DPY19L3: variants seen among roughly 807,000 people sequenced by gnomAD.
DPY19L3 encodes the protein protein C-mannosyl-transferase DPY19L3.
DPY19L3 carries 51 observed loss-of-function variants against 92.3 expected under a neutral mutation model. The ratio of observed to expected loss-of-function variants is 0.55; its 90% CI spans 0.44 to 0.70. The LOEUF (loss-of-function observed/expected upper bound fraction) is 0.70. Ranked by LOEUF, DPY19L3 falls within the 30% of genes least tolerant of loss-of-function variation. The probability of loss-of-function intolerance (pLI) is 0.00; values close to 1 mark genes in which losing one functional copy is unlikely to be tolerated. For synonymous variants in DPY19L3, 309 were observed against 315.2 expected (o/e 0.98, Z 0.21); for missense variants, 706 against 855.9 (o/e 0.82, Z 2.18).
At chr19:32,421,111 G>T (rs1470674320) in intron 3 of DPY19L3, among the ~76,000 whole-genome samples, 1 of 151,982 alleles carries the variant, frequency 6.6e-6, no homozygotes, top group Non-Finnish European at 1.5e-5. Flanking sequence ...TTATTCTCTT[G>T]ATTATTCCAC....
intron 16 of DPY19L3, among the ~76,000 whole-genome samples, chr19:32,472,288 G>A (rs1970380932): frequency 6.6e-6 from 1 of 152,120 alleles, no homozygotes; most frequent in Non-Finnish European, 1.5e-5. Flanking sequence ...CAAGGATGGT[G>A]TGACATTTGA....
At chr19:32,407,922 C>T (rs1231198342) in intron 1 of DPY19L3, among the ~76,000 whole-genome samples, 2 of 151,954 alleles carry the variant, frequency 1.3e-5, no homozygotes, top group South Asian at 2.1e-4. Flanking sequence ...AGGGAGACCC[C>T]ATCTTTACAA....
At position 32,483,350 on chromosome 19, in the gene DPY19L3, CAAAG is replaced by C. The variant is rs1205959074; in HGVS notation, c.*1113_*1116del. The C allele has an allele frequency of 6.6e-6, 1 of 152,468 alleles. No homozygotes were observed. Among genetic ancestry groups the C allele is most frequent in the Non-Finnish European group, 1.5e-5 (1 of 68,012 alleles). 9.4% of individuals were successfully genotyped at this position (152,468 alleles called of 1,614,324 possible). Reference sequence around the variant, plus strand: ...CTAAGTCATGCTTATTTGTAAACAACAAAGAAGAGTATATGTACCTGCTCAAAAT... The same window carrying C: ...CTAAGTCATGCTTATTTGTAAACAACAAGAGTATATGTACCTGCTCAAAAT... On this transcript the variant is annotated 3_prime_UTR_variant, in exon 19 of 19. Coordinates refer to ENST00000392250, the MANE Select transcript of DPY19L3 (RefSeq NM_001172774.2).
At chr19:32,469,930 T>C (rs1404677429) in intron 16 of DPY19L3, among the ~76,000 whole-genome samples, 2 of 152,236 alleles carry the variant, frequency 1.3e-5, no homozygotes, top group African/African-American at 4.8e-5. Flanking sequence ...GTGCATCACA[T>C]GTGGTGCCTT....
chr19:32,435,804 C>T (rs971564411), intron 4 of DPY19L3, among the ~76,000 whole-genome samples: 19 of 152,336 alleles, frequency 1.2e-4, no homozygotes, highest in African/African-American at 4.6e-4. Context: ...GTTACAGTGA[C>T]AGAGGACCTC....
Position 32,485,758 on chromosome 19 carries a change from G to A in DPY19L3, c.*3518G>A, listed in dbSNP as rs1401905757. ...GGAAAAAAGCTTTTGAGATGAGAGG[G>A]TGTCTTACTTTCTTGTGGCAATTGA... On this transcript the variant is annotated 3_prime_UTR_variant, in exon 19 of 19. Coordinates refer to ENST00000392250, the MANE Select transcript of DPY19L3 (RefSeq NM_001172774.2). The A allele has an allele frequency of 6.6e-6, 1 of 152,168 alleles. No individual in the cohort carries two copies. Among genetic ancestry groups the A allele is most frequent in the Non-Finnish European group, 1.5e-5 (1 of 68,026 alleles). 9.4% of individuals were successfully genotyped at this position (152,168 alleles called of 1,614,324 possible).
chr19:32,443,825 C>G (rs369028387), intron 8 of DPY19L3, among the ~76,000 whole-genome samples: 9 of 152,026 alleles, frequency 5.9e-5, no homozygotes, highest in African/African-American at 1.9e-4. Context: ...TTTGGGAGGC[C>G]AAGGCAGGCA....
rs555043863 is a variant in DPY19L3 at position 32,406,972 on chromosome 19, G to A, written c.-38+1063G>A. Among the ~76,000 whole-genome samples the A allele has an allele frequency of 1.2e-4, 18 of 149,348 alleles. No individual in the cohort carries two copies. In the South Asian group the frequency reaches 3.6e-3, roughly 30 times the overall value. On this transcript the variant is annotated intron_variant, in intron 1 of 18. Coordinates refer to ENST00000392250, the MANE Select transcript of DPY19L3 (RefSeq NM_001172774.2). ...TCCAGATTCTCCATTTCCAGTGCTTGAAAGCACAGTACTTAAATCTGGCTT... is the reference window on the plus strand; with the variant it reads ...TCCAGATTCTCCATTTCCAGTGCTTAAAAGCACAGTACTTAAATCTGGCTT...
chr19:32,454,474 T>C (rs1457542760), intron 9 of DPY19L3, among the ~76,000 whole-genome samples: 3 of 152,068 alleles, frequency 2.0e-5, no homozygotes, highest in Admixed American at 6.6e-5. Context: ...CTCGGGAGGC[T>C]GAGGCAGGAG....
At chr19:32,460,929 A>G (rs915244198) in intron 12 of DPY19L3, among the ~76,000 whole-genome samples, 1 of 151,948 alleles carries the variant, frequency 6.6e-6, no homozygotes, top group African/African-American at 2.4e-5. Context: ...GCAGTGGTGC[A>G]ATCTCGGCTC....
intron 8 of DPY19L3, among the ~76,000 whole-genome samples, chr19:32,445,291 A>G (rs1156764690): frequency 6.6e-6 from 1 of 151,690 alleles, no homozygotes; most frequent in African/African-American, 2.4e-5. Flanking sequence ...AATACAAAAA[A>G]TTAGCCAGGC....
chr19:32,463,400 GA>G lies in DPY19L3; in HGVS notation c.1362del (p.Gly455AlafsTer5). 6.2e-7 allele frequency: 1 copy of G among 1,613,732 alleles called. No homozygotes were observed. Among genetic ancestry groups the G allele is most frequent in the Admixed American group, 1.7e-5 (1 of 60,000 alleles). On this transcript the variant is annotated frameshift_variant, in exon 13 of 19. Coordinates refer to ENST00000392250, the MANE Select transcript of DPY19L3 (RefSeq NM_001172774.2). LOFTEE classifies it high-confidence loss of function. The part of the protein sequence containing the change: ...STNQQSVGKM[E>X]KGTVDLKPET... Reference sequence around the variant, plus strand: ...AAATCAACAATCCGTGGGTAAAATGGAAAAAGGCACAGTTGACCTGAAACCA... The same window carrying G: ...AAATCAACAATCCGTGGGTAAAATGGAAAAGGCACAGTTGACCTGAAACCA...
At chr19:32,426,124 T>C (rs1252198288) in intron 3 of DPY19L3, among the ~76,000 whole-genome samples, 2 of 152,238 alleles carry the variant, frequency 1.3e-5, no homozygotes, top group Admixed American at 1.3e-4. Context: ...CTTGCACTTG[T>C]ATGTTAGGGA....
chr19:32,463,340 A>C (rs1292583017), intron 12 of DPY19L3, 26 bp from the exon 13 acceptor site: 2 of 1,611,804 alleles, frequency 1.2e-6, no homozygotes, highest in Non-Finnish European at 8.5e-7. Flanking sequence ...TCCAGCTTAA[A>C]TTTTGTATGT....
In DPY19L3 at chr19:32,484,189, A is replaced by T. The variant is rs938357662; in HGVS notation, c.*1949A>T. 7 of 152,504 alleles carry T rather than the reference A, an allele frequency of 4.6e-5. No homozygotes were observed. The highest frequency in any genetic ancestry group is 1.7e-4 in the African/African-American group (7 of 41,396). The allele number at this position is 152,504 out of a possible 1,614,324, so 9.4% of individuals were successfully genotyped here. A position where few individuals can be genotyped will look rare whatever the true frequency, so the allele number is the denominator to read the frequency against. On this transcript the variant is annotated 3_prime_UTR_variant, in exon 19 of 19. Transcript: ENST00000392250. ...TAGTGCTCAGTCTTCAGTGAAAAAT[A>T]TAAAGTGCCAAAAAAATCTTGCAAG...
chr19:32,428,829 T>TG (rs1308334684), intron 3 of DPY19L3, among the ~76,000 whole-genome samples: 1 of 149,768 alleles, frequency 6.7e-6, no homozygotes, highest in African/African-American at 2.5e-5. Context: ...CAGTTTTTTT[T>TG]TTGTTTTTTT....
rs995282462 is a variant in DPY19L3, at chr19:32,482,434, GTCTA to G, written c.*198_*201del. 1.7e-5 allele frequency: 10 copies of G among 602,556 alleles called. No individual in the cohort carries two copies. Among genetic ancestry groups the G allele is most frequent in the Admixed American group, 6.7e-5 (2 of 30,006 alleles). 37.3% of individuals were successfully genotyped at this position (602,556 alleles called of 1,614,324 possible). A position where few individuals can be genotyped will look rare whatever the true frequency, so the allele number is the denominator to read the frequency against. Reference sequence around the variant, plus strand: ...CAAGCAGAAGTCTTTTTCGTTGTGTGTCTATCTTTCTCATTAATGTTCTTTAGCC... The same window carrying G: ...CAAGCAGAAGTCTTTTTCGTTGTGTGTCTTTCTCATTAATGTTCTTTAGCC... On this transcript the variant is annotated 3_prime_UTR_variant, in exon 19 of 19. Coordinates refer to ENST00000392250, the MANE Select transcript of DPY19L3 (RefSeq NM_001172774.2).
chr19:32,482,005 C>T, intron 18 of DPY19L3, 74 bp from the exon 19 acceptor site: 9 of 1,515,814 alleles, frequency 5.9e-6, no homozygotes, highest in Non-Finnish European at 8.1e-6. Flanking sequence ...AACCCAATAC[C>T]CATTCCTGCT....
At chr19:32,436,397 A>G (rs766559611) in intron 4 of DPY19L3, 49 bp from the exon 5 acceptor site, 2 of 1,336,670 alleles carry the variant, frequency 1.5e-6, no homozygotes, top group South Asian at 3.3e-5. Flanking sequence ...GAATGAATGA[A>G]TAATTATGAG....
Sources: allele counts gnomAD v4.1 joint callset (sites outside exome capture counted in the v4.1 genomes callset), GRCh38; gene constraint gnomAD v4.1.1; transcripts MANE v1.5; gene names NCBI Gene and HGNC (gene_info 2026-07-23, HGNC 2026-07-21).